Variants in LYSMD1 observed in about 807,000 individuals in gnomAD.
LYSMD1 encodes the protein LysM domain containing 1, also known as lysM and putative peptidoglycan-binding domain-containing protein 1.
LYSMD1 carries 9 observed loss-of-function variants against 19.3 expected under a neutral mutation model. The ratio of observed to expected loss-of-function variants is 0.47; its 90% confidence interval spans 0.28 to 0.81. The LOEUF (loss-of-function observed/expected upper bound fraction) is 0.81. LYSMD1 is among the 40% of genes least tolerant of loss of function. The pLI is 0.11. For missense variants in LYSMD1, 262 were observed against 279.8 expected, an observed-to-expected ratio of 0.94 and a Z score of 0.45; for synonymous variants, 111 against 111.7, an observed-to-expected ratio of 0.99 and a Z score of 0.04.
downstream of LYSMD1, chr1:151,159,117 TG>T: frequency 6.2e-7 from 1 of 1,614,188 alleles, no homozygotes; most frequent in Non-Finnish European, 8.5e-7. Context: ...CCAAGTCACA[TG>T]GCCGCATCCG....
At chr1:151,149,599 G>C in the LYSMD1 span, among the ~76,000 whole-genome samples, 6 of 151,488 alleles carry the variant, frequency 4.0e-5, no homozygotes, top group South Asian at 1.3e-3. Flanking sequence ...AAAATAAAAA[G>C]AATTAGCCGG....
chr1:151,156,100 CAAAAAAAA>C (rs751524835), downstream of LYSMD1, among the ~76,000 whole-genome samples: 8 of 38,128 alleles, frequency 2.1e-4, no homozygotes, highest in East Asian at 2.7e-3. Flanking sequence ...AACTCTGTCT[CAAAAAAAA>C]AAAAAAAAAA....
Position 151,165,708 on chromosome 1 carries a change from A to G in LYSMD1, c.-450T>C, listed in dbSNP as rs587727051. 2.7e-5 allele frequency: 42 copies of G among 1,551,684 alleles called. No individual in the cohort carries two copies. In the South Asian group the frequency reaches 4.8e-4, roughly 18 times the overall value. On this transcript the variant is annotated 5_prime_UTR_variant, in exon 1 of 3. Coordinates refer to ENST00000368908, the MANE Select transcript of LYSMD1 (RefSeq NM_212551.5). Reference sequence around the variant, plus strand: ...CCCACCCCAGGTGAACTGTCGCCGCAGACGAAGAGCGTGAGGATTGCAAGA... The same window carrying G: ...CCCACCCCAGGTGAACTGTCGCCGCGGACGAAGAGCGTGAGGATTGCAAGA...
intron 1 of LYSMD1, among the ~76,000 whole-genome samples, chr1:151,162,788 A>C (rs1235272458): frequency 6.6e-6 from 1 of 152,126 alleles, no homozygotes; most frequent in Non-Finnish European, 1.5e-5. Flanking sequence ...AATCTCTCTC[A>C]CATCTGGTCT....
chr1:151,159,043 C>T, downstream of LYSMD1: 1 of 1,614,210 alleles, frequency 6.2e-7, no homozygotes, highest in Non-Finnish European at 8.5e-7. Flanking sequence ...GGCTGCTGTT[C>T]TGGCTGGCCT....
chr1:151,158,834 C>T (rs1039414942), downstream of LYSMD1: 3 of 1,613,972 alleles, frequency 1.9e-6, no homozygotes, highest in African/African-American at 4.0e-5. Flanking sequence ...TACCGTGTGT[C>T]CAAGGAGTAC....
At position 151,162,009 on chromosome 1, in the gene LYSMD1, C is replaced by T; in HGVS notation, c.272G>A (p.Arg91Lys). Residue 91 changes from arginine to lysine, a missense_variant, in exon 2 of 3, where the codon AGA becomes AAA. Coordinates refer to ENST00000368908, the MANE Select transcript of LYSMD1 (RefSeq NM_212551.5). ...TLYIPILTEPRDLFNGLDSEE... is the reference protein window; with the variant it reads ...TLYIPILTEPKDLFNGLDSEE... Reference sequence around the variant, plus strand: ...AGAGTCCAAACCATTGAACAGGTCTCTGGGCTCTGTCAGGATGGGGATGTA... The same window carrying T: ...AGAGTCCAAACCATTGAACAGGTCTTTGGGCTCTGTCAGGATGGGGATGTA... The T allele has an allele frequency of 1.2e-6, 2 of 1,613,932 alleles. No homozygotes were observed. The highest frequency in any genetic ancestry group is 1.3e-5 in the African/African-American group (1 of 74,948).
At chr1:151,158,577 AGAT>A, downstream of LYSMD1, 3 of 1,006,114 alleles carry the variant, frequency 3.0e-6, no homozygotes, top group Non-Finnish European at 4.3e-6. Context: ...TGACAAACAA[AGAT>A]GATGATGACA....
At chr1:151,163,849 G>A (rs1322376508) in intron 1 of LYSMD1, among the ~76,000 whole-genome samples, 2 of 149,906 alleles carry the variant, frequency 1.3e-5, no homozygotes, top group African/African-American at 2.5e-5. Context: ...CTTTCCAACT[G>A]AAATTTAATC....
intron 1 of LYSMD1, 41 bp from the exon 2 acceptor site, chr1:151,162,141 G>A: frequency 6.4e-7 from 1 of 1,564,034 alleles, no homozygotes; most frequent in Non-Finnish European, 8.6e-7. Flanking sequence ...CAGTAATAAT[G>A]ATCAATCTTA....
downstream of LYSMD1, among the ~76,000 whole-genome samples, chr1:151,157,170 A>C (rs2101679439): frequency 6.6e-6 from 1 of 152,282 alleles, no homozygotes; most frequent in Middle Eastern, 3.4e-3. Context: ...GGAGGAAGGA[A>C]GGCTCACATG....
chr1:151,157,407 T>TAAGAAGCAAAACAACCAG (rs1454194802), downstream of LYSMD1, among the ~76,000 whole-genome samples: 2 of 151,658 alleles, frequency 1.3e-5, no homozygotes, highest in Non-Finnish European at 2.9e-5. Context: ...GAGGGGGAAG[T>TAAGAAGCAAAACAACCAG]AAGAAGCAAA....
Position 151,160,901 on chromosome 1 carries a change from TC to T in LYSMD1, c.664del (p.Asp222MetfsTer13). On this transcript the variant is annotated frameshift_variant, in exon 3 of 3. Coordinates refer to ENST00000368908, the MANE Select transcript of LYSMD1 (RefSeq NM_212551.5). LOFTEE classifies it high-confidence loss of function. ...GGGACATCAGAGTTTGAAGATTTCA[TC>T]CTCCTGGTCCCGTAGTGTCCGGGTC... ...SRTRTLRDQE[D>X]EIFKL The T allele has an allele frequency of 6.2e-7, 1 of 1,613,934 alleles. No homozygotes were observed. Among genetic ancestry groups the T allele is most frequent in the Non-Finnish European group, 8.5e-7 (1 of 1,179,836 alleles).
rs374101039 is a variant in LYSMD1, at chr1:151,162,825, A to G, written c.181-725T>C. On this transcript the variant is annotated intron_variant, in intron 1 of 2. Transcript: ENST00000368908. The stretch of plus-strand genomic sequence containing the variant: ...ACCTTCCTACTGCCAAAGATTTAAA[A>G]TAGACCCTCAGTATTTCTCATCTGG... Among the ~76,000 whole-genome samples, 12 of 152,330 alleles carry G rather than the reference A, an allele frequency of 7.9e-5. No individual in the cohort carries two copies. The South Asian group carries it at 1.2e-3, about 16-fold the overall frequency.
downstream of LYSMD1, among the ~76,000 whole-genome samples, chr1:151,154,880 G>A (rs999131105): frequency 2.2e-4 from 34 of 152,198 alleles, no homozygotes; most frequent in African/African-American, 7.0e-4. Context: ...TCCTAACCTC[G>A]TGATCCGCCC....
rs948577795 is a variant in LYSMD1 at position 151,160,648 on chromosome 1, G to A, written c.*234C>T. The A allele has an allele frequency of 7.5e-6, 3 of 399,014 alleles. No individual in the cohort carries two copies. Among genetic ancestry groups the A allele is most frequent in the South Asian group, 5.0e-5 (1 of 19,974 alleles). 24.7% of individuals were successfully genotyped at this position (399,014 alleles called of 1,614,324 possible). A position where few individuals can be genotyped will look rare whatever the true frequency, so the allele number is the denominator to read the frequency against. On this transcript the variant is annotated 3_prime_UTR_variant, in exon 3 of 3. Transcript: ENST00000368908. ...TAAAAAGAGCCTTTTGAGTCTAAAG[G>A]ACTCAACTCTAGATTCAGCCCAAGA...
chr1:151,160,519 TTA>T lies in LYSMD1; in HGVS notation c.*361_*362del, dbSNP rs765968394. ...TACTTCAATATTAGCACCAAATAAA[TTA>T]TGTCACATAGTTGGAGATGAGGAAG... On this transcript the variant is annotated 3_prime_UTR_variant, in exon 3 of 3. Coordinates refer to ENST00000368908, the MANE Select transcript of LYSMD1 (RefSeq NM_212551.5). 4 of 162,360 alleles carry T rather than the reference TTA, an allele frequency of 2.5e-5. No homozygotes were observed. The highest frequency in any genetic ancestry group is 5.4e-5 in the Non-Finnish European group (4 of 74,304). The allele number at this position is 162,360 out of a possible 1,614,324, so 10.1% of individuals were successfully genotyped here.
At chr1:151,156,117 AAAAAAAAAAAG>A (rs1683214911), downstream of LYSMD1, among the ~76,000 whole-genome samples, 1 of 150,224 alleles carries the variant, frequency 6.7e-6, no homozygotes, top group African/African-American at 2.4e-5. Flanking sequence ...AAAAAAAAAA[AAAAAAAAAAAG>A]GCAACTCAGT....
At chr1:151,155,119 C>T (rs905338536), downstream of LYSMD1, among the ~76,000 whole-genome samples, 1 of 152,194 alleles carries the variant, frequency 6.6e-6, no homozygotes, top group Non-Finnish European at 1.5e-5. Flanking sequence ...ACTTATCTCT[C>T]AAACAACTTA....
Sources: gnomAD v4.1 joint callset for allele counts (sites outside exome capture counted in the v4.1 genomes callset) on GRCh38, gnomAD v4.1.1 for gene constraint, MANE v1.5 for transcripts, NCBI Gene and HGNC (gene_info 2026-07-23, HGNC 2026-07-21) for gene names.